The following LGSN variants were observed in gnomAD, a reference collection of about 807,000 sequenced individuals.
LGSN encodes lengsin.
In LGSN, 21 loss-of-function variants were observed where a neutral mutation model predicts 19.5. The observed-to-expected ratio is 1.07, with a 90% CI of 0.76 to 1.55. The LOEUF (loss-of-function observed/expected upper bound fraction) is 1.55. Ranked by LOEUF, LGSN falls within the 40% of genes most tolerant of loss-of-function variation. The pLI is 0.00. For missense variants in LGSN, 673 were observed against 608.5 expected (o/e 1.11, Z -1.12); for synonymous variants, 257 against 215.6 (o/e 1.19, Z -1.68).
the LGSN span, among the ~76,000 whole-genome samples, chr6:63,427,181 A>G: frequency 1.3e-5 from 2 of 151,826 alleles, no homozygotes; most frequent in South Asian, 4.2e-4. Context: ...AGTAGCTGGG[A>G]GTACAGCCAT....
the LGSN span, chr6:63,548,624 T>A: frequency 3.2e-5 from 12 of 373,722 alleles, no homozygotes; most frequent in Admixed American, 4.6e-4. Context: ...TGAGTTAATG[T>A]AAACACAACC....
chr6:63,422,351 A>G, the LGSN span, among the ~76,000 whole-genome samples: 1 of 152,200 alleles, frequency 6.6e-6, no homozygotes, highest in Admixed American at 6.5e-5. Context: ...GATGTAAGCC[A>G]CTGTGCCTGG....
At chr6:63,401,259 G>A in the LGSN span, among the ~76,000 whole-genome samples, 2 of 151,802 alleles carry the variant, frequency 1.3e-5, no homozygotes, top group Non-Finnish European at 2.9e-5. Context: ...AATTAGCTGG[G>A]CATGGTGGCA....
chr6:63,353,759 T>G, the LGSN span, among the ~76,000 whole-genome samples: 2 of 152,098 alleles, frequency 1.3e-5, no homozygotes, highest in Non-Finnish European at 2.9e-5. Flanking sequence ...TACAAGGTTA[T>G]AGTAACCAAA....
chr6:63,465,408 C>T, the LGSN span, among the ~76,000 whole-genome samples: 3 of 152,132 alleles, frequency 2.0e-5, no homozygotes, highest in South Asian at 6.2e-4. Flanking sequence ...TCTCGAACTC[C>T]TGACCTCAAG....
chr6:63,390,776 G>T, the LGSN span, among the ~76,000 whole-genome samples: 2 of 149,864 alleles, frequency 1.3e-5, no homozygotes, highest in Middle Eastern at 3.4e-3. Flanking sequence ...GGAGAATGGC[G>T]TGAACCCCGG....
the LGSN span, among the ~76,000 whole-genome samples, chr6:63,404,838 G>A: frequency 6.6e-6 from 1 of 151,640 alleles, no homozygotes; most frequent in Non-Finnish European, 1.5e-5. Context: ...AAGTTTTAGG[G>A]TACATGTGCA....
At chr6:63,379,830 C>A in the LGSN span, among the ~76,000 whole-genome samples, 1 of 151,734 alleles carries the variant, frequency 6.6e-6, no homozygotes, top group Non-Finnish European at 1.5e-5. Context: ...AAGCAATCTG[C>A]CATATAATTT....
At chr6:63,500,909 G>T in the LGSN span, among the ~76,000 whole-genome samples, 1 of 151,758 alleles carries the variant, frequency 6.6e-6, no homozygotes, top group Non-Finnish European at 1.5e-5. Flanking sequence ...TATATTTTTA[G>T]TAGAGAAGGG....
chr6:63,278,965 T>C lies in LGSN; in HGVS notation c.*1056A>G, dbSNP rs1421417171. ...TCCTAAGCAGTAGAATAATGTTTCA[T>C]TTGCTAGTAAGTGGATTTTGGACTT... On this transcript the variant is annotated 3_prime_UTR_variant, in exon 4 of 4. Transcript: ENST00000370657. 2.0e-5 allele frequency: 3 copies of C among 152,196 alleles called. No homozygotes were observed. The highest frequency in any genetic ancestry group is 2.1e-4 in the South Asian group (1 of 4,832). The allele number at this position is 152,196 out of a possible 1,614,324, so 9.4% of individuals were successfully genotyped here.
At chr6:63,463,670 G>C in the LGSN span, among the ~76,000 whole-genome samples, 2 of 152,126 alleles carry the variant, frequency 1.3e-5, no homozygotes, top group Non-Finnish European at 2.9e-5. Context: ...CCATGTTGCT[G>C]GGAAAAAACA....
At chr6:63,426,112 T>G in the LGSN span, among the ~76,000 whole-genome samples, 1 of 152,166 alleles carries the variant, frequency 6.6e-6, no homozygotes, top group Admixed American at 6.5e-5. Context: ...AGAAAATACT[T>G]GAAAAGGTGG....
At chr6:63,289,281 C>A (rs1436979742) in intron 2 of LGSN, among the ~76,000 whole-genome samples, 1 of 152,178 alleles carries the variant, frequency 6.6e-6, no homozygotes, top group Admixed American at 6.5e-5. Flanking sequence ...ATCGATTTTT[C>A]ATTTAAAAGT....
the LGSN span, among the ~76,000 whole-genome samples, chr6:63,391,932 T>A: frequency 6.6e-6 from 1 of 152,202 alleles, no homozygotes; most frequent in African/African-American, 2.4e-5. Context: ...TCCTCTCCAG[T>A]ATAAGTCTTC....
At chr6:63,496,527 TA>T in the LGSN span, among the ~76,000 whole-genome samples, 9 of 151,086 alleles carry the variant, frequency 6.0e-5, no homozygotes, top group Non-Finnish European at 8.8e-5. Flanking sequence ...CTGGATAAGA[TA>T]AAAAAGAAAT....
chr6:63,299,925 A>G (rs1323773779), intron 1 of LGSN, among the ~76,000 whole-genome samples: 1 of 152,198 alleles, frequency 6.6e-6, no homozygotes. Context: ...AAATTTTGAT[A>G]CGTGCTTGAT....
intron 1 of LGSN, among the ~76,000 whole-genome samples, chr6:63,297,280 T>C (rs1018048249): frequency 1.3e-5 from 2 of 150,920 alleles, no homozygotes; most frequent in Admixed American, 1.3e-4. Flanking sequence ...GCAGCCGAGG[T>C]TGCAGTGAGC....
At chr6:63,327,040 C>G in the LGSN span, among the ~76,000 whole-genome samples, 1 of 152,172 alleles carries the variant, frequency 6.6e-6, no homozygotes, top group Non-Finnish European at 1.5e-5. Context: ...AACAGGACAC[C>G]CTAACTGCTG....
At chr6:63,532,762 T>C in the LGSN span, among the ~76,000 whole-genome samples, 3 of 152,270 alleles carry the variant, frequency 2.0e-5, no homozygotes, top group Admixed American at 1.3e-4. Flanking sequence ...CACATGAGCA[T>C]GTTCAATCAG....
Sources: gnomAD v4.1 joint callset for allele counts (sites outside exome capture counted in the v4.1 genomes callset) on GRCh38, gnomAD v4.1.1 for gene constraint, MANE v1.5 for transcripts, NCBI Gene and HGNC (gene_info 2026-07-23, HGNC 2026-07-21) for gene names.